Variants in TMEM141 observed in about 807,000 individuals in gnomAD.
The protein encoded by TMEM141 is transmembrane protein 141.
In TMEM141, 18 loss-of-function variants were observed where a neutral mutation model predicts 15.9. The observed-to-expected ratio is 1.13, with a 90% CI of 0.78 to 1.68. TMEM141 has a LOEUF of 1.68. TMEM141 is among the 40% of genes most tolerant of loss of function. The probability of loss-of-function intolerance (pLI) is 0.00; values close to 1 mark genes in which losing one functional copy is unlikely to be tolerated. For missense variants in TMEM141, 161 were observed against 139.5 expected (o/e 1.15, Z -0.78); for synonymous variants, 69 against 54.0 (o/e 1.28, Z -1.22).
In TMEM141 at chr9:136,792,963, T is replaced by C; in HGVS notation, c.*131T>C. ...CAGTCGTATCCTCTGTCCGCATGTG[T>C]GGCCAGGCCTGACAAACACCTGCAG... On this transcript the variant is annotated 3_prime_UTR_variant, in exon 5 of 5. Transcript: ENST00000290079. 1.6e-6 allele frequency: 2 copies of C among 1,235,624 alleles called. No individual in the cohort carries two copies. The highest frequency in any genetic ancestry group is 2.1e-6 in the Non-Finnish European group (2 of 970,282). The allele number at this position is 1,235,624 out of a possible 1,614,324, so 76.5% of individuals were successfully genotyped here. A position where few individuals can be genotyped will look rare whatever the true frequency, so the allele number is the denominator to read the frequency against.
intron 1 of TMEM141, 74 bp downstream of exon 1, chr9:136,791,498 G>A: frequency 6.5e-7 from 1 of 1,547,378 alleles, no homozygotes; most frequent in Non-Finnish European, 8.7e-7. Context: ...GCCGGGGCGT[G>A]GGGGTGCCCT....
rs879914126 is a variant in TMEM141, at chr9:136,793,024, G to A, written c.*192G>A. The A allele has an allele frequency of 2.3e-4, 152 of 662,754 alleles. No homozygotes were observed. The highest frequency in any genetic ancestry group is 2.9e-4 in the Non-Finnish European group (140 of 482,490). 41.1% of individuals were successfully genotyped at this position (662,754 alleles called of 1,614,324 possible). A position where few individuals can be genotyped will look rare whatever the true frequency, so the allele number is the denominator to read the frequency against. Reference sequence around the variant, plus strand: ...CCCCAACCTGGGACCTGCCCAGGAGGTTGGAGCAGAAAGGGCTCTCCCTGG... The same window carrying A: ...CCCCAACCTGGGACCTGCCCAGGAGATTGGAGCAGAAAGGGCTCTCCCTGG... On this transcript the variant is annotated 3_prime_UTR_variant, in exon 5 of 5. Coordinates refer to ENST00000290079, the MANE Select transcript of TMEM141 (RefSeq NM_032928.4).
chr9:136,791,856 C>T (rs760409830), intron 2 of TMEM141, 79 bp downstream of exon 2: 1 of 1,608,946 alleles, frequency 6.2e-7, no homozygotes, highest in Non-Finnish European at 8.5e-7. Flanking sequence ...CAGGGGGCGC[C>T]AAGTCACCTG....
At chr9:136,792,087 T>A in intron 3 of TMEM141, 57 bp downstream of exon 3, 1 of 1,604,560 alleles carries the variant, frequency 6.2e-7, no homozygotes. Context: ...CTGCTAGGGT[T>A]GGGGCTGTGG....
rs755145111 is a variant in TMEM141 at position 136,792,800 on chromosome 9, C to T, written c.314-19C>T. 6.0e-5 allele frequency: 93 copies of T among 1,551,900 alleles called. No homozygotes were observed. Among genetic ancestry groups the T allele is most frequent in the Middle Eastern group, 1.7e-4 (1 of 5,840 alleles). On this transcript the variant is annotated intron_variant, in intron 4 of 4. Coordinates refer to ENST00000290079, the MANE Select transcript of TMEM141 (RefSeq NM_032928.4). ...CACGATGGATGTGGTTCGAGCTTGT[C>T]TCTCTTTGCCTTTTACAGATCAGAG...
At chr9:136,791,837 A>G (rs2811788) in intron 2 of TMEM141, 60 bp downstream of exon 2, 479,408 of 1,606,004 alleles carry the variant, frequency 0.3, 73,889 homozygotes, top group African/African-American at 0.46. Flanking sequence ...CCCTGCCCTG[A>G]CTCCCCAGCA....
chr9:136,792,082 A>G (rs1227531037), intron 3 of TMEM141, 52 bp downstream of exon 3: 4 of 1,606,530 alleles, frequency 2.5e-6, no homozygotes, highest in South Asian at 1.1e-5. Flanking sequence ...GGTTTCTGCT[A>G]GGGTTGGGGC....
Position 136,791,379 on chromosome 9 carries a change from C to T in TMEM141, c.9C>T (p.Asn3=), listed in dbSNP as rs774486280. Residue 3 remains asparagine, a synonymous_variant, in exon 1 of 5, where the codon AAC becomes AAT. Transcript: ENST00000290079. MV[N]LGLSRVDDAV... is the part of the protein sequence containing the mutation. The stretch of plus-strand genomic sequence containing the variant: ...CCCGAGCCCTGCCAACCATGGTGAA[C>T]TTGGGTCTGTCCCGGGTGGACGACG... The T allele has an allele frequency of 6.4e-7, 1 of 1,561,950 alleles. No individual in the cohort carries two copies. Among genetic ancestry groups the T allele is most frequent in the African/African-American group, 1.4e-5 (1 of 73,632 alleles).
Position 136,791,779 on chromosome 9 carries a change from T to C in TMEM141, c.121+2T>C, listed in dbSNP as rs1254707290. ...AGGGCGTTTTCACCTTCGTCACAGG[T>C]AGGCTGCGTCCAGGTGTCCTGCGGC... On this transcript the variant is annotated splice_donor_variant, in intron 2 of 4. Coordinates refer to ENST00000290079, the MANE Select transcript of TMEM141 (RefSeq NM_032928.4). LOFTEE classifies it high-confidence loss of function. 6.2e-7 allele frequency: 1 copy of C among 1,612,896 alleles called. No homozygotes were observed. The highest frequency in any genetic ancestry group is 8.5e-7 in the Non-Finnish European group (1 of 1,179,780).
intron 4 of TMEM141, 147 bp from the exon 5 acceptor site, chr9:136,792,672 C>A: frequency 1.5e-6 from 1 of 655,184 alleles, no homozygotes; most frequent in Non-Finnish European, 2.7e-6. Flanking sequence ...TGAGGCTGGA[C>A]TGAGAAGCCC....
chr9:136,792,174 A>G, intron 3 of TMEM141, 77 bp from the exon 4 acceptor site: 1 of 1,503,024 alleles, frequency 6.7e-7, no homozygotes, highest in Non-Finnish European at 9.1e-7. Context: ...CACGTCTGTC[A>G]GGAAGTAGCC....
chr9:136,792,162 AC>A, intron 3 of TMEM141, 88 bp from the exon 4 acceptor site: 1 of 1,495,640 alleles, frequency 6.7e-7, no homozygotes, highest in Non-Finnish European at 9.1e-7. Flanking sequence ...GAGCCCACCC[AC>A]CACGTCTGTC....
chr9:136,792,630 G>A (rs62581399), intron 4 of TMEM141, among the ~76,000 whole-genome samples, 189 bp from the exon 5 acceptor site: 5,634 of 152,268 alleles, frequency 0.037, 164 homozygotes, highest in East Asian at 0.12. Context: ...GTGTGGCAAG[G>A]CCACAGCAGC....
At position 136,792,220 on chromosome 9, in the gene TMEM141, C is replaced by A. The variant is rs3739946; in HGVS notation, c.206-31C>A. The stretch of plus-strand genomic sequence containing the variant: ...TCTCTTAGCCTGGGAAGCACAGAGG[C>A]CCCAGCCCTCTTCCATTTCCTGCTC... On this transcript the variant is annotated intron_variant, in intron 3 of 4. Transcript: ENST00000290079. 1,015 of 1,533,970 alleles carry A rather than the reference C, an allele frequency of 6.6e-4. 13 individuals are homozygous for A. The East Asian group carries it at 0.024, about 37-fold the overall frequency.
At chr9:136,792,066 G>A in intron 3 of TMEM141, 36 bp downstream of exon 3, 1 of 1,611,694 alleles carries the variant, frequency 6.2e-7, no homozygotes, top group Non-Finnish European at 8.5e-7. Flanking sequence ...GGCTCTTTGA[G>A]GGGTGGGTTT....
chr9:136,791,609 G>T (rs377640434), intron 1 of TMEM141, 102 bp from the exon 2 acceptor site: 13 of 1,573,746 alleles, frequency 8.3e-6, no homozygotes, highest in Middle Eastern at 3.6e-4. Flanking sequence ...AGCGCCCAGG[G>T]TCTCACTCCT....
At chr9:136,792,558 G>A (rs1247673681) in intron 4 of TMEM141, among the ~76,000 whole-genome samples, 200 bp downstream of exon 4, 1 of 152,220 alleles carries the variant, frequency 6.6e-6, no homozygotes, top group Non-Finnish European at 1.5e-5. Context: ...TCCCTTTGAG[G>A]AGAAAGAACC....
intron 2 of TMEM141, 28 bp from the exon 3 acceptor site, chr9:136,791,919 G>T: frequency 1.9e-6 from 3 of 1,614,038 alleles, no homozygotes; most frequent in Non-Finnish European, 8.5e-7. Context: ...CCCGGGTACA[G>T]GTTGATGGGG....
rs749966652 is a variant in TMEM141, at chr9:136,791,935, G to A, written c.122-12G>A. 42 of 1,613,946 alleles carry A rather than the reference G, an allele frequency of 2.6e-5. No homozygotes were observed. Among genetic ancestry groups the A allele is most frequent in the Non-Finnish European group, 3.5e-5 (41 of 1,180,020 alleles). ...CCGGGTACAGGTTGATGGGGACCTC[G>A]GCTCTTTGCAGGCACCGGCATGGCC... is the stretch of plus-strand genomic sequence containing the variant. On this transcript the variant is annotated splice_polypyrimidine_tract_variant and intron_variant, in intron 2 of 4. Transcript: ENST00000290079.
Sources: allele counts gnomAD v4.1 joint callset (sites outside exome capture counted in the v4.1 genomes callset), GRCh38; gene constraint gnomAD v4.1.1; transcripts MANE v1.5; gene names NCBI Gene and HGNC (gene_info 2026-07-23, HGNC 2026-07-21).